Variants in SYN3 observed in about 807,000 individuals in gnomAD.
The protein encoded by SYN3 is synapsin-3.
Under a neutral mutation model 65.8 loss-of-function variants are expected in SYN3, and 35 were observed. The observed-to-expected ratio is 0.53, with a 90% CI of 0.41 to 0.70. The LOEUF (loss-of-function observed/expected upper bound fraction) is 0.70. SYN3 is among the 30% of genes least tolerant of loss of function. The pLI is 0.00. For synonymous variants in SYN3, 270 were observed against 292.9 expected (o/e 0.92, Z 0.80); for missense variants, 680 against 749.0 (o/e 0.91, Z 1.08).
intron 4 of SYN3, among the ~76,000 whole-genome samples, chr22:32,923,221 G>T (rs1268688504): frequency 6.6e-6 from 1 of 152,150 alleles, no homozygotes; most frequent in Non-Finnish European, 1.5e-5. Flanking sequence ...AGAACCAGGA[G>T]CGTTGATGTC....
At chr22:32,936,102 T>C (rs1464406169) in intron 3 of SYN3, among the ~76,000 whole-genome samples, 1 of 152,240 alleles carries the variant, frequency 6.6e-6, no homozygotes, top group Non-Finnish European at 1.5e-5. Context: ...CTCCTTCAAG[T>C]ATTTATAACA....
chr22:32,677,569 C>T (rs969462923), intron 6 of SYN3, among the ~76,000 whole-genome samples: 11 of 152,164 alleles, frequency 7.2e-5, no homozygotes, highest in African/African-American at 2.4e-4. Flanking sequence ...GAGGCCAAGG[C>T]GGGTGGAACA....
At position 32,513,720 on chromosome 22, in the gene SYN3, T is replaced by C. The variant is rs766045098; in HGVS notation, c.1715A>G (p.Lys572Arg). ...AKAETIRNLR[K>R]SFASLFSD ...GTCAGAGAACAGGCTGGCAAAAGAC[T>C]TCCTCAGGTTGCGGATGGTTTCAGC... Residue 572 changes from lysine to arginine, a missense_variant, in exon 14 of 14, where the codon AAG becomes AGG. Physicochemically the swap from Lys to Arg is conservative, Grantham distance 26. Transcript: ENST00000358763. 2 of 1,614,188 alleles carry C rather than the reference T, an allele frequency of 1.2e-6. No individual in the cohort carries two copies. Among genetic ancestry groups the C allele is most frequent in the South Asian group, 2.2e-5 (2 of 91,072 alleles).
At chr22:32,632,152 G>A (rs1023717129) in intron 6 of SYN3, among the ~76,000 whole-genome samples, 5 of 152,222 alleles carry the variant, frequency 3.3e-5, no homozygotes, top group African/African-American at 7.2e-5. Flanking sequence ...GTGGGCCTGC[G>A]CCCATATCAC....
chr22:32,817,333 A>G (rs242089), intron 6 of SYN3, among the ~76,000 whole-genome samples: 70,468 of 152,052 alleles, frequency 0.46, 16,703 homozygotes, highest in Admixed American at 0.56. Context: ...TGACCTGTTT[A>G]GCTCTGTTTA....
At chr22:32,933,554 G>A (rs1290660163) in intron 3 of SYN3, among the ~76,000 whole-genome samples, 2 of 152,034 alleles carry the variant, frequency 1.3e-5, no homozygotes, top group African/African-American at 4.8e-5. Flanking sequence ...TCAGCCTCCC[G>A]AGTAGCTGGG....
At chr22:32,796,902 A>T (rs2046442541) in intron 6 of SYN3, among the ~76,000 whole-genome samples, 1 of 152,124 alleles carries the variant, frequency 6.6e-6, no homozygotes, top group Non-Finnish European at 1.5e-5. Context: ...AATGATTCAC[A>T]ACTATGTTGC....
chr22:32,993,738 T>C (rs987205859), intron 2 of SYN3, among the ~76,000 whole-genome samples: 7 of 151,714 alleles, frequency 4.6e-5, no homozygotes, highest in Non-Finnish European at 1.0e-4. Context: ...TAGAAAGTCT[T>C]TTGGGGGCCA....
intron 7 of SYN3, among the ~76,000 whole-genome samples, chr22:32,578,649 G>T (rs2058890863): frequency 6.6e-6 from 1 of 152,158 alleles, no homozygotes; most frequent in Non-Finnish European, 1.5e-5. Flanking sequence ...TAGAACTGAA[G>T]ATATCACAAT....
At chr22:32,572,363 C>T in intron 7 of SYN3, among the ~76,000 whole-genome samples, 2 of 67,126 alleles carry the variant, frequency 3.0e-5, no homozygotes, top group African/African-American at 1.7e-4. Context: ...CCTTACTTCC[C>T]TTCCACCCTC....
intron 2 of SYN3, among the ~76,000 whole-genome samples, chr22:32,999,567 C>A (rs2052996056): frequency 6.6e-6 from 1 of 152,146 alleles, no homozygotes; most frequent in Non-Finnish European, 1.5e-5. Context: ...CCTGCAATCC[C>A]AGACCCCCAG....
intron 6 of SYN3, among the ~76,000 whole-genome samples, chr22:32,637,928 C>T (rs2710349): frequency 0.29 from 43,989 of 152,024 alleles, 7,167 homozygotes; most frequent in African/African-American, 0.43. Context: ...CATGAGCCAC[C>T]GCGCCCAGCA....
chr22:33,018,423 C>T lies in SYN3; in HGVS notation c.-162-11599G>A, dbSNP rs140600289. ...CCCGTGGGTACCCAGCCCCATGCTG[C>T]CCTAGCACTAACCACTAGAGGGCAG... On this transcript the variant is annotated intron_variant, in intron 1 of 13. Transcript: ENST00000358763. Among the ~76,000 whole-genome samples, 476 of 152,222 alleles carry T rather than the reference C, an allele frequency of 3.1e-3. 3 individuals are homozygous for T. The highest frequency in any genetic ancestry group is 5.6e-3 in the Non-Finnish European group (383 of 68,022).
At chr22:32,588,738 T>G (rs190051007) in intron 7 of SYN3, among the ~76,000 whole-genome samples, 1 of 152,174 alleles carries the variant, frequency 6.6e-6, no homozygotes, top group African/African-American at 2.4e-5. Context: ...GAACCTTGAC[T>G]CCAGATTCTG....
chr22:32,955,880 G>T (rs73162020), intron 3 of SYN3, among the ~76,000 whole-genome samples: 176 of 152,014 alleles, frequency 1.2e-3, no homozygotes, highest in Non-Finnish European at 1.1e-3. Context: ...TAGCCTCTCA[G>T]CCTACATCTT....
At chr22:33,046,546 C>T (rs554916897) in intron 1 of SYN3, among the ~76,000 whole-genome samples, 17 of 150,996 alleles carry the variant, frequency 1.1e-4, no homozygotes, top group African/African-American at 3.4e-4. Flanking sequence ...GATAAAACCT[C>T]GTCTCTACCC....
chr22:32,996,783 T>C lies in SYN3; in HGVS notation c.311+9569A>G, dbSNP rs141710189. Among the ~76,000 whole-genome samples, 783 of 152,336 alleles carry C rather than the reference T, an allele frequency of 5.1e-3. 7 individuals carry two copies. The highest frequency in any genetic ancestry group is 0.018 in the African/African-American group (754 of 41,586). ...AAACCTGAACTCGTAAGTATGTGTA[T>C]GGCTAAAGGAATTCCCTTTTCCCTG... is the stretch of plus-strand genomic sequence containing the variant. On this transcript the variant is annotated intron_variant, in intron 2 of 13. Coordinates refer to ENST00000358763, the MANE Select transcript of SYN3 (RefSeq NM_003490.4).
chr22:32,776,981 T>C (rs1026193369), intron 6 of SYN3, among the ~76,000 whole-genome samples: 8 of 152,062 alleles, frequency 5.3e-5, no homozygotes, highest in African/African-American at 1.7e-4. Context: ...AGAACCACAA[T>C]GCTGACCTCA....
At chr22:33,056,395 TC>T (rs2054254163) in intron 1 of SYN3, among the ~76,000 whole-genome samples, 1 of 152,144 alleles carries the variant, frequency 6.6e-6, no homozygotes, top group Admixed American at 6.5e-5. Context: ...ACCAAGACAC[TC>T]ATGACTTCCC....
Sources: allele counts gnomAD v4.1 joint callset (sites outside exome capture counted in the v4.1 genomes callset), GRCh38; gene constraint gnomAD v4.1.1; transcripts MANE v1.5; gene names NCBI Gene and HGNC (gene_info 2026-07-23, HGNC 2026-07-21).